The following PDZD9 variants were observed in gnomAD, a reference collection of about 807,000 sequenced individuals.
PDZD9 encodes the protein PDZ domain containing 9, also known as PDZ domain-containing protein 9.
Under a neutral mutation model 16.3 loss-of-function variants are expected in PDZD9, and 13 were observed. The ratio of observed to expected loss-of-function variants is 0.80; its 90% CI spans 0.52 to 1.27. The LOEUF is 1.27. Ranked by LOEUF, PDZD9 falls within the 50% of genes most tolerant of loss-of-function variation. The probability of loss-of-function intolerance (pLI) is 0.00; values close to 1 mark genes in which losing one functional copy is unlikely to be tolerated. For synonymous variants in PDZD9, 120 were observed against 111.0 expected (o/e 1.08, Z -0.51); for missense variants, 288 against 310.9 (o/e 0.93, Z 0.55).
downstream of PDZD9, chr16:21,980,395 G>A: frequency 1.3e-6 from 1 of 760,302 alleles, no homozygotes; most frequent in Non-Finnish European, 2.1e-6. Context: ...AGAAGGGAGT[G>A]GCATTCTTCT....
Position 21,989,150 on chromosome 16 carries a change from C to T in PDZD9, c.212-359G>A, listed in dbSNP as rs561069749. ...GTTTCACCATGTTGGCCAGGCTGGT[C>T]TCAAACTCCTGACCTCAGGTGATCT... On this transcript the variant is annotated intron_variant, in intron 2 of 3. Coordinates refer to ENST00000424898, the MANE Select transcript of PDZD9 (RefSeq NM_001363519.1). Among the ~76,000 whole-genome samples the T allele has an allele frequency of 1.5e-3, 226 of 151,546 alleles. 2 individuals carry two copies. The highest frequency in any genetic ancestry group is 5.3e-3 in the African/African-American group (218 of 41,266).
chr16:22,001,100 T>G lies in PDZD9; in HGVS notation c.-53A>C, dbSNP rs1288877888. On this transcript the variant is annotated 5_prime_UTR_variant, in exon 1 of 4. Coordinates refer to ENST00000424898, the MANE Select transcript of PDZD9 (RefSeq NM_001363519.1). ...GGGCCTCCCGGAGCAGAGGCTGGAG[T>G]CAGTCCCAATGCCAACAGTTTCGAA... 3.4e-6 allele frequency: 5 copies of G among 1,462,928 alleles called. No homozygotes were observed. The highest frequency in any genetic ancestry group is 1.4e-5 in the African/African-American group (1 of 69,968). The allele number at this position is 1,462,928 out of a possible 1,614,324, so 90.6% of individuals were successfully genotyped here.
Position 21,996,474 on chromosome 16 carries a change from G to GT in PDZD9, c.58dup (p.Thr20AsnfsTer18). 6.5e-7 allele frequency: 1 copy of GT among 1,535,868 alleles called. No individual in the cohort carries two copies. Among genetic ancestry groups the GT allele is most frequent in the Non-Finnish European group, 8.7e-7 (1 of 1,146,718 alleles). On this transcript the variant is annotated frameshift_variant, in exon 2 of 4. Transcript: ENST00000424898. LOFTEE classifies it high-confidence loss of function. ...TGTTTTGCTCAAGTTGTGTACAGAT[G>GT]TTTTGACCTTGTTGCTGACTCCTCT...
At chr16:21,960,911 G>A in the PDZD9 span, among the ~76,000 whole-genome samples, 1 of 151,994 alleles carries the variant, frequency 6.6e-6, no homozygotes, top group Non-Finnish European at 1.5e-5. Flanking sequence ...CCTTATTGCA[G>A]CCTTGAACTC....
At chr16:21,972,114 C>T in the PDZD9 span, 1 of 1,613,192 alleles carries the variant, frequency 6.2e-7, no homozygotes, top group Non-Finnish European at 8.5e-7. Context: ...AACTCAGCAG[C>T]CATTTGATGT....
chr16:21,982,348 T>A (rs1421520796), downstream of PDZD9, among the ~76,000 whole-genome samples: 2 of 152,172 alleles, frequency 1.3e-5, no homozygotes, highest in African/African-American at 2.4e-5. Flanking sequence ...TAAAGAATCC[T>A]CTAGGGTATC....
At chr16:21,980,859 G>A (rs545897565), downstream of PDZD9, among the ~76,000 whole-genome samples, 8 of 152,186 alleles carry the variant, frequency 5.3e-5, no homozygotes, top group South Asian at 2.1e-4. Context: ...CATAAGATCC[G>A]CAACAAGCTT....
At chr16:21,974,779 C>T in the PDZD9 span, among the ~76,000 whole-genome samples, 2 of 152,126 alleles carry the variant, frequency 1.3e-5, no homozygotes, top group African/African-American at 4.8e-5. Context: ...ATAAATGGCT[C>T]AAGTCTGAGA....
At chr16:21,988,420 G>C (rs937833560) in intron 3 of PDZD9, among the ~76,000 whole-genome samples, 182 bp downstream of exon 3, 1 of 151,972 alleles carries the variant, frequency 6.6e-6, no homozygotes, top group Non-Finnish European at 1.5e-5. Flanking sequence ...TGACTTCATC[G>C]TGCTTTCTCA....
intron 2 of PDZD9, 49 bp downstream of exon 2, chr16:21,996,273 G>A (rs1446539468): frequency 3.4e-6 from 5 of 1,488,252 alleles, no homozygotes; most frequent in African/African-American, 1.4e-5. Flanking sequence ...CACCCTGCAG[G>A]CAGATGGGCA....
chr16:22,000,910 G>A, intron 1 of PDZD9, 107 bp downstream of exon 1: 2 of 1,071,904 alleles, frequency 1.9e-6, no homozygotes, highest in Non-Finnish European at 1.4e-6. Flanking sequence ...GATGGAGAGA[G>A]GTTATCTCCC....
the PDZD9 span, among the ~76,000 whole-genome samples, chr16:21,965,705 C>G: frequency 6.6e-6 from 1 of 152,012 alleles, no homozygotes; most frequent in Non-Finnish European, 1.5e-5. Flanking sequence ...GTTTTCATGA[C>G]TAAAGGGACA....
At chr16:21,992,396 G>A (rs1045592727) in intron 2 of PDZD9, among the ~76,000 whole-genome samples, 10 of 152,120 alleles carry the variant, frequency 6.6e-5, no homozygotes, top group African/African-American at 2.4e-4. Context: ...AACTTGATCG[G>A]TTCAAAGGAT....
the PDZD9 span, among the ~76,000 whole-genome samples, chr16:21,958,178 T>A: frequency 6.6e-6 from 1 of 152,252 alleles, no homozygotes; most frequent in African/African-American, 2.4e-5. Flanking sequence ...TAAATTAGTA[T>A]CCATATGAAT....
Position 21,984,167 on chromosome 16 carries a change from G to A in PDZD9, c.*100C>T, listed in dbSNP as rs1435018635. The A allele has an allele frequency of 7.9e-7, 1 of 1,263,746 alleles. No homozygotes were observed. The highest frequency in any genetic ancestry group is 1.5e-5 in the African/African-American group (1 of 66,688). 78.3% of individuals were successfully genotyped at this position (1,263,746 alleles called of 1,614,324 possible). A position where few individuals can be genotyped will look rare whatever the true frequency, so the allele number is the denominator to read the frequency against. ...GCAGTCATAAGAGAAGAGAATTGGT[G>A]AGTCTACAGACAGTCCTTGATAAGT... is the stretch of plus-strand genomic sequence containing the variant. On this transcript the variant is annotated 3_prime_UTR_variant, in exon 4 of 4. Transcript: ENST00000424898.
At chr16:21,995,745 C>G (rs1387084011) in intron 2 of PDZD9, among the ~76,000 whole-genome samples, 1 of 152,010 alleles carries the variant, frequency 6.6e-6, no homozygotes, top group Admixed American at 6.5e-5. Context: ...CTACAGGCGC[C>G]CGCCACTAGG....
At chr16:21,980,843 C>A (rs1232336440), downstream of PDZD9, 2 of 941,178 alleles carry the variant, frequency 2.1e-6, no homozygotes, top group Non-Finnish European at 3.0e-6. Flanking sequence ...CAGGAGGGCT[C>A]ATTCCCATAA....
At chr16:21,972,626 G>C in the PDZD9 span, among the ~76,000 whole-genome samples, 1 of 152,170 alleles carries the variant, frequency 6.6e-6, no homozygotes, top group East Asian at 1.9e-4. Flanking sequence ...TAAAATCCCA[G>C]CACTCTGAGA....
At chr16:21,974,125 C>T in the PDZD9 span, 1 of 670,798 alleles carries the variant, frequency 1.5e-6, no homozygotes. Flanking sequence ...GAAGCATTAT[C>T]TGCTATAGGG....
Sources: gnomAD v4.1 joint callset for allele counts (sites outside exome capture counted in the v4.1 genomes callset) on GRCh38, gnomAD v4.1.1 for gene constraint, MANE v1.5 for transcripts, NCBI Gene and HGNC (gene_info 2026-07-23, HGNC 2026-07-21) for gene names.